RSF1: variants seen among roughly 807,000 people sequenced by gnomAD.
RSF1 encodes remodeling and spacing factor 1.
A neutral mutation model predicts 145.2 loss-of-function variants in RSF1; 13 were observed. That is an observed-to-expected ratio of 0.09 (90% CI 0.06 to 0.14). RSF1 has a LOEUF of 0.14. Among genes scored for constraint, RSF1 ranks in the 10% least tolerant of loss-of-function variants. The pLI, the probability that RSF1 is intolerant of heterozygous loss-of-function variation, is 1.00. For missense variants in RSF1, 1,517 were observed against 1,718.2 expected, an observed-to-expected ratio of 0.88 and a Z score of 2.07; for synonymous variants, 577 against 592.6, an observed-to-expected ratio of 0.97 and a Z score of 0.38.
chr11:77,778,242 GA>G (rs1948367774), intron 1 of RSF1, among the ~76,000 whole-genome samples: 1 of 72,512 alleles, frequency 1.4e-5, no homozygotes, highest in African/African-American at 5.4e-5. Context: ...GAGGGAAGGG[GA>G]GAGCATGGGG....
In RSF1 at chr11:77,662,906, T is replaced by G. The variant is rs968793122; in HGVS notation, c.*4011A>C. The G allele has an allele frequency of 1.3e-5, 2 of 152,224 alleles. No homozygotes were observed. Among genetic ancestry groups the G allele is most frequent in the African/African-American group, 4.8e-5 (2 of 41,462 alleles). 9.4% of individuals were successfully genotyped at this position (152,224 alleles called of 1,614,324 possible). On this transcript the variant is annotated 3_prime_UTR_variant, in exon 16 of 16. Coordinates refer to ENST00000308488, the MANE Select transcript of RSF1 (RefSeq NM_016578.4). Reference sequence around the variant, plus strand: ...AACTGTTGTCTAGATTTTCTGTAATTAAATGATGTTCATAATATTTGTATC... The same window carrying G: ...AACTGTTGTCTAGATTTTCTGTAATGAAATGATGTTCATAATATTTGTATC...
intron 2 of RSF1, among the ~76,000 whole-genome samples, chr11:77,751,145 A>G (rs1032932293): frequency 1.3e-5 from 2 of 152,164 alleles, no homozygotes; most frequent in African/African-American, 2.4e-5. Context: ...GTATCAGCTC[A>G]ATATATATAG....
chr11:77,777,050 C>G (rs1016647364), intron 1 of RSF1, among the ~76,000 whole-genome samples: 4 of 152,026 alleles, frequency 2.6e-5, no homozygotes, highest in Non-Finnish European at 2.9e-5. Context: ...ACAATAAAAC[C>G]TCATGACCTC....
intron 3 of RSF1, among the ~76,000 whole-genome samples, chr11:77,746,285 G>C (rs1168803537): frequency 6.6e-6 from 1 of 152,048 alleles, no homozygotes; most frequent in African/African-American, 2.4e-5. Context: ...GTATCTTTTG[G>C]ATCTTGAAGA....
intron 2 of RSF1, among the ~76,000 whole-genome samples, chr11:77,749,439 C>T (rs1039936433): frequency 6.6e-6 from 1 of 152,146 alleles, no homozygotes; most frequent in African/African-American, 2.4e-5. Flanking sequence ...CGTTGGCTGA[C>T]TATCCCAGAG....
intron 5 of RSF1, among the ~76,000 whole-genome samples, chr11:77,707,576 C>T (rs1370818490): frequency 6.6e-6 from 1 of 152,144 alleles, no homozygotes; most frequent in African/African-American, 2.4e-5. Flanking sequence ...TGTTCAAACT[C>T]CACTAGTAAT....
rs947476382 is a variant in RSF1 at position 77,740,945 on chromosome 11, T to C, written c.373-9A>G. 1 of 1,595,684 alleles carries C rather than the reference T, an allele frequency of 6.3e-7. No individual in the cohort carries two copies. Among genetic ancestry groups the C allele is most frequent in the East Asian group, 2.2e-5 (1 of 44,770 alleles). On this transcript the variant is annotated splice_polypyrimidine_tract_variant and intron_variant, in intron 3 of 15. Coordinates refer to ENST00000308488, the MANE Select transcript of RSF1 (RefSeq NM_016578.4). ...TGACACTCACAGAGGTACTGAAAAATAGTCATAACATGACTTAAAATACCT... is the reference window on the plus strand; with the variant it reads ...TGACACTCACAGAGGTACTGAAAAACAGTCATAACATGACTTAAAATACCT...
At chr11:77,694,883 C>T (rs987588800) in intron 7 of RSF1, among the ~76,000 whole-genome samples, 1 of 152,166 alleles carries the variant, frequency 6.6e-6, no homozygotes, top group Non-Finnish European at 1.5e-5. Flanking sequence ...TTTTGGTAGA[C>T]TGTCCTGAAA....
intron 1 of RSF1, among the ~76,000 whole-genome samples, chr11:77,790,263 C>T (rs1948503582): frequency 6.6e-6 from 1 of 152,086 alleles, no homozygotes; most frequent in African/African-American, 2.4e-5. Flanking sequence ...TGGTGGCAGG[C>T]AAAGAGAGCT....
chr11:77,712,167 G>A (rs959979457), intron 5 of RSF1, among the ~76,000 whole-genome samples: 1 of 152,210 alleles, frequency 6.6e-6, no homozygotes, highest in Non-Finnish European at 1.5e-5. Flanking sequence ...TGTGTCTAGG[G>A]CAGGGCCAGG....
chr11:77,757,316 G>A (rs1326291630), intron 2 of RSF1, among the ~76,000 whole-genome samples: 1 of 152,194 alleles, frequency 6.6e-6, no homozygotes, highest in Non-Finnish European at 1.5e-5. Flanking sequence ...AAGACAGTGA[G>A]CAGGTCTGTG....
At chr11:77,700,605 CAG>C (rs1960394585) in intron 6 of RSF1, 114 bp downstream of exon 6, 3 of 696,730 alleles carry the variant, frequency 4.3e-6, no homozygotes, top group East Asian at 5.7e-5. Flanking sequence ...GTATCTCAGA[CAG>C]AGGAAGAAAG....
At chr11:77,828,944 T>A in the RSF1 span, among the ~76,000 whole-genome samples, 1 of 152,172 alleles carries the variant, frequency 6.6e-6, no homozygotes, top group Non-Finnish European at 1.5e-5. Context: ...TGAACAAAGT[T>A]GAAGGACTCA....
intron 1 of RSF1, among the ~76,000 whole-genome samples, chr11:77,789,114 C>A (rs1002640783): frequency 7.9e-5 from 12 of 152,174 alleles, no homozygotes; most frequent in African/African-American, 2.9e-4. Context: ...ACCTGCTCAA[C>A]CCCCATCAAA....
In RSF1 at chr11:77,692,345, C is replaced by G. The variant is rs556596726; in HGVS notation, c.2821-1107G>C. Among the ~76,000 whole-genome samples the G allele has an allele frequency of 4.1e-3, 459 of 112,122 alleles. 55 individuals are homozygous for G. Among genetic ancestry groups the G allele is most frequent in the African/African-American group, 0.017 (439 of 25,242 alleles). 73.6% of individuals were successfully genotyped at this position (112,122 alleles called of 152,430 possible). On this transcript the variant is annotated intron_variant, in intron 8 of 15. Transcript: ENST00000308488. ...CTGCAAGCTCCGCCTCCTGGGTTCA[C>G]GCCATTCTCCTGCCTCAGCCTCCCA...
chr11:77,698,456 T>C (rs1565151862), intron 7 of RSF1, 31 bp downstream of exon 7: 2 of 1,585,426 alleles, frequency 1.3e-6, no homozygotes, highest in Non-Finnish European at 1.7e-6. Context: ...GTCTGTAATA[T>C]GAGTATTCTT....
chr11:77,725,759 T>C, intron 4 of RSF1, 60 bp from the exon 5 acceptor site: 2 of 1,298,426 alleles, frequency 1.5e-6, no homozygotes, highest in Non-Finnish European at 2.1e-6. Context: ...GAGAACTTTC[T>C]GAATAATACC....
chr11:77,800,441 G>A (rs1214768989), intron 1 of RSF1, among the ~76,000 whole-genome samples: 2 of 151,890 alleles, frequency 1.3e-5, no homozygotes, highest in Non-Finnish European at 2.9e-5. Flanking sequence ...GCAGTGAGCT[G>A]AGATCACACC....
At chr11:77,726,392 T>A (rs1961054066) in intron 4 of RSF1, among the ~76,000 whole-genome samples, 1 of 152,116 alleles carries the variant, frequency 6.6e-6, no homozygotes, top group African/African-American at 2.4e-5. Context: ...AACCTCAAAT[T>A]CCCAGGCTCA....
Sources: gnomAD v4.1 joint callset for allele counts (sites outside exome capture counted in the v4.1 genomes callset) on GRCh38, gnomAD v4.1.1 for gene constraint, MANE v1.5 for transcripts, NCBI Gene and HGNC (gene_info 2026-07-23, HGNC 2026-07-21) for gene names.